The following KIAA0319 variants were observed in gnomAD, a reference collection of about 807,000 sequenced individuals.
The protein encoded by KIAA0319 is dyslexia-associated protein KIAA0319.
Under a neutral mutation model 108.4 loss-of-function variants are expected in KIAA0319, and 83 were observed. The ratio of observed to expected loss-of-function variants is 0.77; its 90% CI spans 0.64 to 0.92. KIAA0319 has a LOEUF of 0.92. KIAA0319 is among the 40% of genes least tolerant of loss of function. The probability of loss-of-function intolerance (pLI) is 0.00; values close to 1 mark genes in which losing one functional copy is unlikely to be tolerated. For synonymous variants in KIAA0319, 484 were observed against 510.4 expected (o/e 0.95, Z 0.70); for missense variants, 1,195 against 1,322.4 (o/e 0.90, Z 1.49).
chr6:24,611,265 A>G (rs7771169), intron 1 of KIAA0319, among the ~76,000 whole-genome samples: 131,897 of 151,896 alleles, frequency 0.87, 57,379 homozygotes, highest in East Asian at 0.99. Flanking sequence ...TTGGGAGGCC[A>G]AGGTGGGCAG....
rs1281294171 is a variant in KIAA0319, at chr6:24,601,153, G to C, written c.-50C>G. 1.2e-6 allele frequency: 2 copies of C among 1,604,680 alleles called. No homozygotes were observed. Among genetic ancestry groups the C allele is most frequent in the Non-Finnish European group, 8.5e-7 (1 of 1,175,406 alleles). On this transcript the variant is annotated 5_prime_UTR_variant, in exon 2 of 21. Transcript: ENST00000378214. Reference sequence around the variant, plus strand: ...CAGGCTTCTGAGGCGGCCCTGAAGAGAGTTTGGTGCAAGCTTCCTTTGATG... The same window carrying C: ...CAGGCTTCTGAGGCGGCCCTGAAGACAGTTTGGTGCAAGCTTCCTTTGATG...
At chr6:24,564,859 G>A (rs930873240) in intron 14 of KIAA0319, among the ~76,000 whole-genome samples, 17 of 152,158 alleles carry the variant, frequency 1.1e-4, no homozygotes, top group African/African-American at 3.4e-4. Context: ...GGGTGATAAC[G>A]AATATGTGCT....
chr6:24,587,585 T>C (rs1767731424), intron 4 of KIAA0319, among the ~76,000 whole-genome samples: 1 of 151,178 alleles, frequency 6.6e-6, no homozygotes, highest in South Asian at 2.1e-4. Flanking sequence ...TGGTCCCTTT[T>C]TATTCATTTT....
chr6:24,588,899 A>G, intron 3 of KIAA0319, 114 bp from the exon 4 acceptor site: 2 of 837,492 alleles, frequency 2.4e-6, no homozygotes, highest in East Asian at 5.1e-5. Flanking sequence ...TGTTTGAAAA[A>G]CCATGAATAA....
chr6:24,578,354 G>C, intron 8 of KIAA0319, 112 bp from the exon 9 acceptor site: 1 of 764,852 alleles, frequency 1.3e-6, no homozygotes, highest in Middle Eastern at 3.8e-4. Flanking sequence ...TTATGTACTT[G>C]CCTAGATCTC....
intron 13 of KIAA0319, 91 bp from the exon 14 acceptor site, chr6:24,566,839 C>T (rs1185086196): frequency 2.5e-6 from 3 of 1,212,568 alleles, no homozygotes; most frequent in African/African-American, 1.5e-5. Context: ...ACAACTCTTC[C>T]ACCTTGCAGA....
chr6:24,622,291 A>G (rs1774067230), intron 1 of KIAA0319, among the ~76,000 whole-genome samples: 1 of 148,640 alleles, frequency 6.7e-6, no homozygotes, highest in Admixed American at 6.8e-5. Context: ...GGAACAGGCA[A>G]CCAAGGACTG....
intron 3 of KIAA0319, among the ~76,000 whole-genome samples, chr6:24,589,584 G>T (rs1242233006): frequency 6.6e-6 from 1 of 152,144 alleles, no homozygotes; most frequent in African/African-American, 2.4e-5. Context: ...ATAAGCATCT[G>T]GCATTTCCCC....
chr6:24,620,332 A>G (rs760012219), intron 1 of KIAA0319, among the ~76,000 whole-genome samples: 19 of 152,138 alleles, frequency 1.2e-4, no homozygotes, highest in Non-Finnish European at 2.2e-4. Context: ...ACGGAGTCTC[A>G]CTCTGTCGCC....
chr6:24,549,820 G>C (rs574887117), intron 20 of KIAA0319, among the ~76,000 whole-genome samples: 2 of 152,274 alleles, frequency 1.3e-5, no homozygotes, highest in East Asian at 3.9e-4. Context: ...GGGTGGTGAT[G>C]GTAATGACGA....
Position 24,596,134 on chromosome 6 carries a change from G to A in KIAA0319, c.540C>T (p.Ala180=), listed in dbSNP as rs138234895. 3.8e-5 allele frequency: 62 copies of A among 1,613,952 alleles called. No homozygotes were observed. In the East Asian group the frequency reaches 7.8e-4, roughly 20 times the overall value. The change falls in exon 3 of 21, where the codon GCC becomes GCT. Residue 180 remains alanine, a synonymous_variant. Coordinates refer to ENST00000378214, the MANE Select transcript of KIAA0319 (RefSeq NM_014809.4). ...PSGKQEPRGS[A]EYTDWGLLPG... The stretch of plus-strand genomic sequence containing the variant: ...GCAGTAGGCCCCAGTCCGTGTACTC[G>A]GCACTCCCTCTGGGCTCCTGCTTGC...
At chr6:24,550,324 G>A (rs1761293438) in intron 20 of KIAA0319, among the ~76,000 whole-genome samples, 2 of 152,206 alleles carry the variant, frequency 1.3e-5, no homozygotes, top group South Asian at 4.1e-4. Flanking sequence ...CTGTGCACAA[G>A]GTAGGCATTC....
chr6:24,636,497 T>A (rs557222529), intron 1 of KIAA0319, among the ~76,000 whole-genome samples: 28 of 152,292 alleles, frequency 1.8e-4, no homozygotes, highest in African/African-American at 6.5e-4. Flanking sequence ...GAATAAGACA[T>A]CACTTTTAAA....
At chr6:24,635,074 G>A (rs1242382006) in intron 1 of KIAA0319, among the ~76,000 whole-genome samples, 1 of 151,694 alleles carries the variant, frequency 6.6e-6, no homozygotes, top group African/African-American at 2.4e-5. Flanking sequence ...ATCTGCTTAG[G>A]AACAAAAGGA....
intron 1 of KIAA0319, among the ~76,000 whole-genome samples, chr6:24,636,441 C>T (rs988518312): frequency 1.7e-4 from 26 of 152,168 alleles, no homozygotes; most frequent in African/African-American, 5.3e-4. Context: ...CTTGTACTAG[C>T]TTGTTATAAC....
intron 2 of KIAA0319, chr6:24,600,564 T>G: frequency 1.1e-6 from 1 of 911,882 alleles, no homozygotes; most frequent in Admixed American, 2.0e-5. Context: ...TTGGACAAAC[T>G]GTACATAACA....
At chr6:24,575,077 A>G (rs2127469497) in intron 10 of KIAA0319, among the ~76,000 whole-genome samples, 1 of 152,366 alleles carries the variant, frequency 6.6e-6, no homozygotes, top group South Asian at 2.1e-4. Flanking sequence ...GCTTGGTACA[A>G]TTTTCAGACA....
rs768867895 is a variant in KIAA0319 at position 24,578,154 on chromosome 6, G to A, written c.1461C>T (p.Pro487=). Residue 487 remains proline (P), a synonymous_variant, in exon 9 of 21, where the codon CCC becomes CCT. Coordinates refer to ENST00000378214, the MANE Select transcript of KIAA0319 (RefSeq NM_014809.4). ...GATCAAGGTTAGACAAGCGTAAGACGGGAGAGTCAACTGAAGTCTTCTCTT... is the reference window on the plus strand; with the variant it reads ...GATCAAGGTTAGACAAGCGTAAGACAGGAGAGTCAACTGAAGTCTTCTCTT... ...FIEEKTSVDS[P]VLRLSNLDPG... is the part of the protein sequence containing the mutation. 4.4e-5 allele frequency: 71 copies of A among 1,613,262 alleles called. No individual in the cohort carries two copies. Among genetic ancestry groups the A allele is most frequent in the Non-Finnish European group, 5.3e-5 (62 of 1,179,506 alleles).
intron 19 of KIAA0319, among the ~76,000 whole-genome samples, chr6:24,551,915 G>C (rs1186477734): frequency 2.6e-5 from 4 of 152,090 alleles, no homozygotes; most frequent in Non-Finnish European, 5.9e-5. Flanking sequence ...CAATGCTGCA[G>C]TAATGAAAAG....
Sources: allele counts gnomAD v4.1 joint callset (sites outside exome capture counted in the v4.1 genomes callset), GRCh38; gene constraint gnomAD v4.1.1; transcripts MANE v1.5; gene names NCBI Gene and HGNC (gene_info 2026-07-23, HGNC 2026-07-21).